NLRP2: variants seen among roughly 807,000 people sequenced by gnomAD.
NLRP2 encodes NACHT, LRR and PYD domains-containing protein 2.
Under a neutral mutation model 97.2 loss-of-function variants are expected in NLRP2, and 107 were observed. The ratio of observed to expected loss-of-function variants is 1.10; its 90% CI spans 0.94 to 1.29. The LOEUF is 1.29. NLRP2 is among the 50% of genes most tolerant of loss of function. The pLI is 0.00. For synonymous variants in NLRP2, 663 were observed against 551.5 expected (o/e 1.20, Z -2.83); for missense variants, 1,495 against 1,330.3 (o/e 1.12, Z -1.93).
intron 12 of NLRP2, among the ~76,000 whole-genome samples, chr19:55,000,226 G>A (rs2073099142): frequency 7.1e-6 from 1 of 140,470 alleles, no homozygotes; most frequent in Non-Finnish European, 1.5e-5. Context: ...GCAGTGAGCT[G>A]AGATGGTACC....
intron 8 of NLRP2, chr19:54,989,735 G>A (rs949895929): frequency 3.8e-6 from 2 of 529,174 alleles, no homozygotes; most frequent in African/African-American, 1.9e-5. Context: ...TGTCATCCCA[G>A]CACTCTGGGA....
chr19:54,975,445 GATT>G (rs1189231497), intron 3 of NLRP2, among the ~76,000 whole-genome samples: 1 of 111,444 alleles, frequency 9.0e-6, no homozygotes, highest in Non-Finnish European at 1.8e-5. Flanking sequence ...ATATCCTGAA[GATT>G]ATTATTATTT....
In NLRP2 at chr19:54,982,976, G is replaced by A. The variant is rs565829709; in HGVS notation, c.1278G>A (p.Thr426=). 42 of 1,611,300 alleles carry A rather than the reference G, an allele frequency of 2.6e-5. No individual in the cohort carries two copies. Among genetic ancestry groups the A allele is most frequent in the African/African-American group, 1.1e-4 (8 of 74,966 alleles). Residue 426 remains threonine (T), a synonymous_variant, in exon 6 of 13, where the codon ACG becomes ACA. Coordinates refer to ENST00000448584, the MANE Select transcript of NLRP2 (RefSeq NM_017852.5). ...CGGTCCCCACCTGCCTCACCCGCAC[G>A]GGGCTGTTCCTGCGTTTCCTCTGCA... ...EDPVPTCLTR[T]GLFLRFLCSR... is the part of the protein sequence containing the mutation.
Position 54,985,163 on chromosome 19 carries a change from T to C in NLRP2, c.2147T>C (p.Val716Ala). Reference sequence around the variant, plus strand: ...GATAGCTTTCTCAGTGCCTCCCTAGTAAGGATCCTGTGTGAACAAATAGCC... The same window carrying C: ...GATAGCTTTCTCAGTGCCTCCCTAGCAAGGATCCTGTGTGAACAAATAGCC... ...INDSFLSASL[V>A]RILCEQIASD... Residue 716 changes from valine to alanine, a missense_variant, in exon 7 of 13, where the codon GTA (valine) becomes GCA (alanine). Physicochemically the swap from Val to Ala is moderately conservative, Grantham distance 64 (BLOSUM62 0). Coordinates refer to ENST00000448584, the MANE Select transcript of NLRP2 (RefSeq NM_017852.5). The C allele has an allele frequency of 6.2e-7, 1 of 1,614,142 alleles. No homozygotes were observed. Among genetic ancestry groups the C allele is most frequent in the Admixed American group, 1.7e-5 (1 of 59,992 alleles).
At chr19:54,981,276 C>T (rs2071552379) in intron 4 of NLRP2, among the ~76,000 whole-genome samples, 1 of 152,090 alleles carries the variant, frequency 6.6e-6, no homozygotes, top group Non-Finnish European at 1.5e-5. Flanking sequence ...AAGCAATTCT[C>T]GAGCCTCTTG....
At chr19:54,980,225 G>A (rs1371207105) in intron 4 of NLRP2, among the ~76,000 whole-genome samples, 1 of 150,950 alleles carries the variant, frequency 6.6e-6, no homozygotes, top group East Asian at 1.9e-4. Context: ...TTTTGAGACA[G>A]TCTTGCTCTG....
intron 4 of NLRP2, among the ~76,000 whole-genome samples, chr19:54,978,068 TTG>T (rs1344112476): frequency 6.6e-6 from 1 of 151,594 alleles, no homozygotes; most frequent in Non-Finnish European, 1.5e-5. Context: ...GTTTTTGTTT[TTG>T]TTTTTGTTTT....
At chr19:54,991,242 T>G (rs1671225) in intron 10 of NLRP2, 65,002 of 160,524 alleles carry the variant, frequency 0.4, 13,647 homozygotes, top group Middle Eastern at 0.51. Flanking sequence ...TGATCCTCCT[T>G]TTAATACTAA....
intron 8 of NLRP2, 166 bp downstream of exon 8, chr19:54,986,481 C>A (rs551870836): frequency 1.8e-5 from 12 of 684,432 alleles, no homozygotes; most frequent in African/African-American, 1.1e-4. Flanking sequence ...TTTCTACTTG[C>A]CTTGAACAGT....
intron 7 of NLRP2, 62 bp downstream of exon 7, chr19:54,985,279 A>T (rs568797750): frequency 1.1e-5 from 16 of 1,484,220 alleles, no homozygotes; most frequent in Non-Finnish European, 1.5e-5. Flanking sequence ...CAATGTTAAC[A>T]TCGGAGCAAT....
chr19:54,981,567 G>A (rs1216835173), intron 4 of NLRP2, 50 bp from the exon 5 acceptor site: 2 of 800,438 alleles, frequency 2.5e-6, no homozygotes, highest in Admixed American at 2.2e-5. Context: ...GGACTCCACA[G>A]GAAATACACC....
intron 10 of NLRP2, among the ~76,000 whole-genome samples, chr19:54,992,878 TC>T: frequency 6.6e-6 from 1 of 152,104 alleles, no homozygotes; most frequent in Non-Finnish European, 1.5e-5. Context: ...AACTTTTTGA[TC>T]CATGCCCCTA....
intron 12 of NLRP2, among the ~76,000 whole-genome samples, chr19:54,997,745 G>A (rs566297282): frequency 1.1e-3 from 171 of 150,350 alleles, no homozygotes; most frequent in Middle Eastern, 7.0e-3. Flanking sequence ...GTGAGCAACC[G>A]CACCCGGCCA....
At chr19:54,999,279 C>T (rs565298588) in intron 12 of NLRP2, among the ~76,000 whole-genome samples, 4 of 152,310 alleles carry the variant, frequency 2.6e-5, no homozygotes, top group African/African-American at 9.6e-5. Context: ...TCCCAAGTAG[C>T]TGGGACTACA....
rs1568502248 is a variant in NLRP2, at chr19:54,983,521, G to A, written c.1823G>A (p.Cys608Tyr). 1.9e-6 allele frequency: 3 copies of A among 1,614,176 alleles called. No individual in the cohort carries two copies. The highest frequency in any genetic ancestry group is 2.5e-6 in the Non-Finnish European group (3 of 1,180,022). The change falls in exon 6 of 13, where the codon TGT (cysteine) becomes TAT (tyrosine). Residue 608 changes from cysteine (C) to tyrosine (Y), a missense_variant. Coordinates refer to ENST00000448584, the MANE Select transcript of NLRP2 (RefSeq NM_017852.5). ...ACAGACCTGCAGGAGCTCCTCGGCT[G>A]TCTGTACGAGTCTCAGGAGGAGGAG... ...TVTDLQELLG[C>Y]LYESQEEELV...
rs2071608936 is a variant in NLRP2, at chr19:54,982,062, G to A, written c.464-100G>A. On this transcript the variant is annotated intron_variant, in intron 5 of 12. Transcript: ENST00000448584. ...CAAAGGGCTGGGATTACAGGCATGA[G>A]CCACTGTGCCCGGCCAACACAAGGC... 1.4e-5 allele frequency: 20 copies of A among 1,469,018 alleles called. No homozygotes were observed. The South Asian group carries it at 2.2e-4, about 16-fold the overall frequency. 91.0% of individuals were successfully genotyped at this position (1,469,018 alleles called of 1,614,324 possible).
At chr19:54,987,395 A>G (rs1734216563) in intron 8 of NLRP2, among the ~76,000 whole-genome samples, 1 of 152,156 alleles carries the variant, frequency 6.6e-6, no homozygotes, top group Non-Finnish European at 1.5e-5. Context: ...ATGAGAACCT[A>G]CATGCATCAT....
chr19:54,976,815 T>C, intron 3 of NLRP2: 1 of 344,480 alleles, frequency 2.9e-6, no homozygotes, highest in South Asian at 2.1e-5. Flanking sequence ...TCTCTCTCTT[T>C]TTTTTTTTTT....
chr19:54,983,272 G>A lies in NLRP2; in HGVS notation c.1574G>A (p.Arg525Lys). ...CTGGAGAAGGAGGAGGAAGAGGATA[G>A]GGACGGCCACACCTGGGACATTGGG... ...YTLEKEEEED[R>K]DGHTWDIGDV... The change falls in exon 6 of 13, where the codon AGG (arginine) becomes AAG (lysine). Residue 525 changes from arginine to lysine, a missense_variant. Coordinates refer to ENST00000448584, the MANE Select transcript of NLRP2 (RefSeq NM_017852.5). 6.2e-7 allele frequency: 1 copy of A among 1,614,004 alleles called. No individual in the cohort carries two copies. Among genetic ancestry groups the A allele is most frequent in the Non-Finnish European group, 8.5e-7 (1 of 1,179,888 alleles).
Sources: gnomAD v4.1 joint callset for allele counts (sites outside exome capture counted in the v4.1 genomes callset) on GRCh38, gnomAD v4.1.1 for gene constraint, MANE v1.5 for transcripts, NCBI Gene and HGNC (gene_info 2026-07-23, HGNC 2026-07-21) for gene names.